GREB1L: variants seen among roughly 807,000 people sequenced by gnomAD.
The protein encoded by GREB1L is GREB1-like protein.
Under a neutral mutation model 200.8 loss-of-function variants are expected in GREB1L, and 17 were observed. The ratio of observed to expected loss-of-function variants is 0.08; its 90% CI spans 0.06 to 0.13. The LOEUF is 0.13. Ranked by LOEUF, GREB1L falls within the 10% of genes least tolerant of loss-of-function variation. The pLI is 1.00. For synonymous variants in GREB1L, 789 were observed against 893.0 expected (o/e 0.88, Z 2.08); for missense variants, 1,657 against 2,367.7 (o/e 0.70, Z 6.23).
At chr18:21,403,815 A>C (rs529575203) in intron 6 of GREB1L, 57 bp from the exon 7 acceptor site, 28 of 1,446,630 alleles carry the variant, frequency 1.9e-5, no homozygotes, top group South Asian at 1.6e-4. Context: ...CGTCCCCATC[A>C]CCTGTTTTAA....
intron 7 of GREB1L, among the ~76,000 whole-genome samples, chr18:21,406,647 T>G (rs1055423006): frequency 1.3e-5 from 2 of 152,172 alleles, no homozygotes; most frequent in African/African-American, 4.8e-5. Flanking sequence ...AGATTCACCT[T>G]TCTATAGGAG....
At chr18:21,394,563 G>A (rs1021611003) in intron 4 of GREB1L, among the ~76,000 whole-genome samples, 2 of 152,158 alleles carry the variant, frequency 1.3e-5, no homozygotes, top group African/African-American at 4.8e-5. Flanking sequence ...AAGTGGTTAT[G>A]TAAGATTTTG....
intron 16 of GREB1L, 125 bp from the exon 17 acceptor site, chr18:21,477,039 C>T: frequency 5.0e-6 from 3 of 602,460 alleles, no homozygotes; most frequent in Non-Finnish European, 2.7e-6. Flanking sequence ...TTAGTTGTTT[C>T]TTCTCTGCTC....
Position 21,449,718 on chromosome 18 carries a change from C to A in GREB1L, c.1602C>A (p.Gly534=), listed in dbSNP as rs1228698547. Residue 534 remains glycine, a synonymous_variant, in exon 12 of 33, where the codon GGC becomes GGA. Coordinates refer to ENST00000424526, the MANE Select transcript of GREB1L (RefSeq NM_001142966.3). ...VVVTQNSLAE[G]ISETLRTLSE... is the part of the protein sequence containing the mutation. ...TGACCCAGAACTCTTTGGCGGAGGG[C>A]ATTTCAGAGACCTTAAGGACTCTCA... The A allele has an allele frequency of 1.9e-5, 30 of 1,551,472 alleles. No homozygotes were observed. Among genetic ancestry groups the A allele is most frequent in the Non-Finnish European group, 2.5e-5 (29 of 1,146,914 alleles).
chr18:21,304,551 C>T (rs757200233), intron 1 of GREB1L, among the ~76,000 whole-genome samples: 6 of 151,804 alleles, frequency 4.0e-5, no homozygotes, highest in Admixed American at 2.0e-4. Flanking sequence ...TCCCTAGAAC[C>T]CCAGATTTAT....
chr18:21,372,687 C>T (rs2039924897), intron 2 of GREB1L, among the ~76,000 whole-genome samples: 1 of 151,770 alleles, frequency 6.6e-6, no homozygotes, highest in African/African-American at 2.4e-5. Flanking sequence ...TTCGGGAGGC[C>T]GAGGCGGGTG....
At chr18:21,315,240 C>G (rs1442871747) in intron 1 of GREB1L, among the ~76,000 whole-genome samples, 2 of 152,130 alleles carry the variant, frequency 1.3e-5, no homozygotes, top group African/African-American at 4.8e-5. Flanking sequence ...CAGGCACGCA[C>G]CACCATGTGC....
intron 14 of GREB1L, among the ~76,000 whole-genome samples, 185 bp from the exon 15 acceptor site, chr18:21,454,181 A>C (rs1320210561): frequency 5.3e-5 from 8 of 152,234 alleles, no homozygotes; most frequent in Admixed American, 3.3e-4. Context: ...ACATCCTCTC[A>C]TCCACGTTTC....
At chr18:21,329,792 C>A (rs943979067) in intron 1 of GREB1L, among the ~76,000 whole-genome samples, 1 of 152,126 alleles carries the variant, frequency 6.6e-6, no homozygotes, top group Non-Finnish European at 1.5e-5. Flanking sequence ...GCTGAGGGAA[C>A]ACTTTAGAGT....
intron 7 of GREB1L, among the ~76,000 whole-genome samples, chr18:21,419,005 A>G (rs962965250): frequency 3.3e-5 from 5 of 152,172 alleles, no homozygotes; most frequent in Non-Finnish European, 5.9e-5. Flanking sequence ...CTATATTTAG[A>G]TATGTTTAGA....
At chr18:21,311,925 G>C (rs1332410215) in intron 1 of GREB1L, among the ~76,000 whole-genome samples, 1 of 151,644 alleles carries the variant, frequency 6.6e-6, no homozygotes, top group Non-Finnish European at 1.5e-5. Flanking sequence ...TTATTTCATC[G>C]CCCAGGTACT....
chr18:21,475,074 G>GA (rs1374852949), intron 16 of GREB1L, among the ~76,000 whole-genome samples: 3 of 152,128 alleles, frequency 2.0e-5, no homozygotes, highest in East Asian at 1.9e-4. Flanking sequence ...AGAGATTCCT[G>GA]AAAAAATTTT....
chr18:21,364,836 CT>C (rs113605319), intron 1 of GREB1L, among the ~76,000 whole-genome samples: 18,496 of 141,370 alleles, frequency 0.13, 2,029 homozygotes, highest in African/African-American at 0.3. Context: ...AGATTACTGA[CT>C]TTTTTTTTTT....
At chr18:21,278,011 A>C (rs1338472486) in intron 1 of GREB1L, among the ~76,000 whole-genome samples, 1 of 152,172 alleles carries the variant, frequency 6.6e-6, no homozygotes, top group Non-Finnish European at 1.5e-5. Flanking sequence ...AGGCCTGTCG[A>C]AATGGGTATA....
chr18:21,428,159 C>T (rs1313992944), intron 7 of GREB1L, among the ~76,000 whole-genome samples: 1 of 131,180 alleles, frequency 7.6e-6, no homozygotes, highest in Non-Finnish European at 1.5e-5. Flanking sequence ...CACTGCAGTC[C>T]GCAGTCCGGC....
At chr18:21,377,803 G>A (rs1338905136) in intron 2 of GREB1L, among the ~76,000 whole-genome samples, 5 of 151,854 alleles carry the variant, frequency 3.3e-5, no homozygotes, top group African/African-American at 9.7e-5. Context: ...CCAGCTACTC[G>A]GGAGCCTGAG....
intron 1 of GREB1L, among the ~76,000 whole-genome samples, chr18:21,292,665 A>G (rs1333002725): frequency 6.6e-6 from 1 of 152,202 alleles, no homozygotes; most frequent in Non-Finnish European, 1.5e-5. Context: ...AGGTCCGTCC[A>G]TGTAAGCATG....
intron 31 of GREB1L, among the ~76,000 whole-genome samples, chr18:21,519,335 C>T (rs770355683): frequency 1.3e-5 from 2 of 152,024 alleles, no homozygotes; most frequent in Non-Finnish European, 2.9e-5. Flanking sequence ...TGATGGCGCA[C>T]GCCTGTAGTC....
intron 6 of GREB1L, among the ~76,000 whole-genome samples, chr18:21,403,258 G>C (rs1043070282): frequency 5.3e-5 from 8 of 152,078 alleles, no homozygotes; most frequent in Admixed American, 2.0e-4. Context: ...TATACCAGAG[G>C]CCCATTAATA....
Sources: allele counts gnomAD v4.1 joint callset (sites outside exome capture counted in the v4.1 genomes callset), GRCh38; gene constraint gnomAD v4.1.1; transcripts MANE v1.5; gene names NCBI Gene and HGNC (gene_info 2026-07-23, HGNC 2026-07-21).